DSCAM: variants seen among roughly 807,000 people sequenced by gnomAD.
DSCAM encodes the protein DS cell adhesion molecule.
DSCAM carries 47 observed loss-of-function variants against 217.7 expected under a neutral mutation model. The ratio of observed to expected loss-of-function variants is 0.22; its 90% CI spans 0.17 to 0.28. DSCAM has a LOEUF of 0.28. Ranked by LOEUF, DSCAM falls within the 10% of genes least tolerant of loss-of-function variation. The probability of loss-of-function intolerance (pLI) is 1.00; values close to 1 mark genes in which losing one functional copy is unlikely to be tolerated. For missense variants in DSCAM, 2,080 were observed against 2,618.3 expected, an observed-to-expected ratio of 0.79 and a Z score of 4.49; for synonymous variants, 1,056 against 1,015.3, an observed-to-expected ratio of 1.04 and a Z score of -0.76.
intron 3 of DSCAM, among the ~76,000 whole-genome samples, chr21:40,421,649 G>C (rs2075425406): frequency 6.6e-6 from 1 of 152,208 alleles, no homozygotes; most frequent in African/African-American, 2.4e-5. Context: ...CCGCCATCAA[G>C]GGGCATATCT....
At chr21:40,563,501 A>C (rs980823582) in intron 3 of DSCAM, among the ~76,000 whole-genome samples, 5 of 146,264 alleles carry the variant, frequency 3.4e-5, no homozygotes, top group African/African-American at 7.6e-5. Flanking sequence ...AAAACAAAAT[A>C]AAAATTTGTA....
Position 40,402,146 on chromosome 21 carries a change from G to A in DSCAM, c.509-32901C>T, listed in dbSNP as rs187606707. On this transcript the variant is annotated intron_variant, in intron 3 of 32. Transcript: ENST00000400454. Reference sequence around the variant, plus strand: ...GCCACCTCGGCTCACTGCAAGCTCCGCCTCCTGGGTTCACGTCATTCTCCT... The same window carrying A: ...GCCACCTCGGCTCACTGCAAGCTCCACCTCCTGGGTTCACGTCATTCTCCT... Among the ~76,000 whole-genome samples the A allele has an allele frequency of 6.6e-3, 806 of 123,030 alleles. 7 individuals are homozygous for A. The highest frequency in any genetic ancestry group is 0.023 in the African/African-American group (767 of 32,978). The allele number at this position is 123,030 out of a possible 152,430, so 80.7% of individuals were successfully genotyped here.
At chr21:40,163,381 G>A (rs2146764183) in intron 16 of DSCAM, among the ~76,000 whole-genome samples, 1 of 152,154 alleles carries the variant, frequency 6.6e-6, no homozygotes, top group Middle Eastern at 3.4e-3. Context: ...GAATTAAATT[G>A]TATTTGCTTA....
intron 9 of DSCAM, among the ~76,000 whole-genome samples, chr21:40,301,147 A>G (rs1188829160): frequency 1.3e-5 from 2 of 152,184 alleles, no homozygotes; most frequent in Non-Finnish European, 2.9e-5. Context: ...CCTCTTATTT[A>G]GATTTCTCAG....
chr21:40,329,868 G>T (rs938002634), intron 8 of DSCAM, among the ~76,000 whole-genome samples: 1 of 151,980 alleles, frequency 6.6e-6, no homozygotes, highest in African/African-American at 2.4e-5. Context: ...AAAGGAGAAT[G>T]GTGGTTCCCA....
At chr21:40,194,058 C>T (rs2837482) in intron 11 of DSCAM, among the ~76,000 whole-genome samples, 79,687 of 152,126 alleles carry the variant, frequency 0.52, 23,073 homozygotes, top group African/African-American at 0.79. Context: ...CAAGTTTTAT[C>T]GCATTTGATG....
chr21:40,785,285 T>C, intron 1 of DSCAM, among the ~76,000 whole-genome samples: 1 of 152,314 alleles, frequency 6.6e-6, no homozygotes, highest in East Asian at 1.9e-4. Context: ...ATAACACTAA[T>C]AAGAAAATAC....
intron 3 of DSCAM, among the ~76,000 whole-genome samples, chr21:40,573,419 G>A (rs936786754): frequency 6.6e-6 from 1 of 152,014 alleles, no homozygotes; most frequent in African/African-American, 2.4e-5. Flanking sequence ...TAAACAACAT[G>A]TTTCTAAACA....
At chr21:40,488,914 A>G (rs1397817457) in intron 3 of DSCAM, among the ~76,000 whole-genome samples, 1 of 152,220 alleles carries the variant, frequency 6.6e-6, no homozygotes, top group African/African-American at 2.4e-5. Flanking sequence ...GAGATTCTGC[A>G]GCCACGTGGA....
At chr21:40,182,670 A>G (rs866459958) in intron 14 of DSCAM, among the ~76,000 whole-genome samples, 4,469 of 15,552 alleles carry the variant, frequency 0.29, 106 homozygotes, top group African/African-American at 0.31. Context: ...AACCGTGGAC[A>G]GGGGGGGGTT....
chr21:40,358,112 G>C (rs1186483568), intron 4 of DSCAM, among the ~76,000 whole-genome samples: 1 of 152,116 alleles, frequency 6.6e-6, no homozygotes. Flanking sequence ...GACTTTCTTT[G>C]CAGAATAATC....
chr21:40,239,010 A>G (rs1393536088), intron 11 of DSCAM, among the ~76,000 whole-genome samples: 1 of 152,168 alleles, frequency 6.6e-6, no homozygotes, highest in African/African-American at 2.4e-5. Flanking sequence ...CTAACTTATG[A>G]TCTTTTAAAC....
At chr21:40,470,112 A>G (rs566604295) in intron 3 of DSCAM, among the ~76,000 whole-genome samples, 1 of 152,366 alleles carries the variant, frequency 6.6e-6, no homozygotes, top group East Asian at 1.9e-4. Flanking sequence ...ATAAACCACA[A>G]TGACGTAAGT....
intron 3 of DSCAM, among the ~76,000 whole-genome samples, chr21:40,534,652 A>T (rs2076481307): frequency 6.6e-6 from 1 of 152,212 alleles, no homozygotes; most frequent in African/African-American, 2.4e-5. Flanking sequence ...CTTGAAAAAC[A>T]TTCTTTACAT....
rs192749588 is a variant in DSCAM, at chr21:40,740,892, C to G, written c.44-32121G>C. 3.9e-4 allele frequency among the ~76,000 whole-genome samples: 60 copies of G among 152,316 alleles called. No homozygotes were observed. The East Asian group carries it at 0.011, about 28-fold the overall frequency. On this transcript the variant is annotated intron_variant, in intron 1 of 32. Coordinates refer to ENST00000400454, the MANE Select transcript of DSCAM (RefSeq NM_001389.5). ...GATAATGATGCTAAGCTCAGAAGAT[C>G]TCAGATTGGTATTATCCTCCAACTC...
chr21:40,388,447 G>A (rs2075105946), intron 3 of DSCAM, among the ~76,000 whole-genome samples: 1 of 152,118 alleles, frequency 6.6e-6, no homozygotes, highest in African/African-American at 2.4e-5. Flanking sequence ...GTATTTGTGG[G>A]TGAAGAAAAG....
At chr21:40,333,537 G>A (rs1462743825) in intron 8 of DSCAM, among the ~76,000 whole-genome samples, 1 of 152,120 alleles carries the variant, frequency 6.6e-6, no homozygotes, top group Admixed American at 6.5e-5. Context: ...GCTAATTTTT[G>A]TATTTTTAGT....
At chr21:40,703,524 A>G (rs538048096) in intron 2 of DSCAM, among the ~76,000 whole-genome samples, 2 of 152,184 alleles carry the variant, frequency 1.3e-5, no homozygotes, top group South Asian at 4.2e-4. Flanking sequence ...GTCTCATAAA[A>G]CACACATATA....
intron 4 of DSCAM, among the ~76,000 whole-genome samples, chr21:40,363,441 T>TG (rs2074791189): frequency 6.6e-6 from 1 of 151,774 alleles, no homozygotes; most frequent in Non-Finnish European, 1.5e-5. Flanking sequence ...TTAGTAGAGA[T>TG]GGGGTTTCAT....
Sources: gnomAD v4.1 joint callset for allele counts (sites outside exome capture counted in the v4.1 genomes callset) on GRCh38, gnomAD v4.1.1 for gene constraint, MANE v1.5 for transcripts, NCBI Gene and HGNC (gene_info 2026-07-23, HGNC 2026-07-21) for gene names.